Variants in ADGRV1 observed in about 807,000 individuals in gnomAD.
ADGRV1 encodes the protein G-protein coupled receptor 98.
Under a neutral mutation model 596.2 loss-of-function variants are expected in ADGRV1, and 359 were observed. The observed-to-expected ratio is 0.60, with a 90% CI of 0.55 to 0.66. The LOEUF (loss-of-function observed/expected upper bound fraction) is 0.66. Ranked by LOEUF, ADGRV1 falls within the 30% of genes least tolerant of loss-of-function variation. The probability of loss-of-function intolerance (pLI) is 0.00; values close to 1 mark genes in which losing one functional copy is unlikely to be tolerated. For synonymous variants in ADGRV1, 2,681 were observed against 2,679.2 expected (o/e 1.00, Z -0.02); for missense variants, 7,274 against 7,575.6 (o/e 0.96, Z 1.48).
intron 15 of ADGRV1, among the ~76,000 whole-genome samples, chr5:90,645,284 C>G (rs1255890963): frequency 1.3e-5 from 2 of 152,172 alleles, no homozygotes; most frequent in African/African-American, 4.8e-5. Flanking sequence ...TTAATAACAA[C>G]AGGAAGTGAA....
chr5:90,978,332 C>A (rs1303368566), intron 84 of ADGRV1, among the ~76,000 whole-genome samples: 1 of 130,502 alleles, frequency 7.7e-6, no homozygotes, highest in African/African-American at 3.1e-5. Flanking sequence ...ATATTTGTTT[C>A]ATTCTTCCCC....
chr5:90,622,967 C>T (rs111696128), intron 5 of ADGRV1, among the ~76,000 whole-genome samples: 2 of 152,150 alleles, frequency 1.3e-5, no homozygotes, highest in Admixed American at 1.3e-4. Context: ...TCTTGAACTC[C>T]TGGCCTCAGG....
chr5:91,019,906 T>A (rs1783493314), intron 85 of ADGRV1, among the ~76,000 whole-genome samples: 1 of 152,060 alleles, frequency 6.6e-6, no homozygotes, highest in South Asian at 2.1e-4. Context: ...ACTCTCTGTC[T>A]GTCTTCCACC....
chr5:90,638,061 T>C (rs1766463096), intron 11 of ADGRV1, 113 bp downstream of exon 11: 1 of 725,784 alleles, frequency 1.4e-6, no homozygotes, highest in Non-Finnish European at 2.2e-6. Flanking sequence ...AAAAGTCAAG[T>C]AAATAGTGTT....
chr5:90,979,197 C>A (rs1779882400), intron 84 of ADGRV1, among the ~76,000 whole-genome samples: 1 of 147,110 alleles, frequency 6.8e-6, no homozygotes, highest in Non-Finnish European at 1.5e-5. Context: ...GAGATGGGGT[C>A]TTGTTCTGTC....
At chr5:90,794,782 G>A (rs1177138853) in intron 70 of ADGRV1, among the ~76,000 whole-genome samples, 5 of 152,088 alleles carry the variant, frequency 3.3e-5, no homozygotes, top group South Asian at 4.1e-4. Flanking sequence ...TTAGGTACCC[G>A]GTTCATCTCA....
In ADGRV1 at chr5:91,063,318, C is replaced by G. The variant is rs148622278; in HGVS notation, c.18153-9129C>G. Among the ~76,000 whole-genome samples, 367 of 152,172 alleles carry G rather than the reference C, an allele frequency of 2.4e-3. 5 individuals carry two copies. Among genetic ancestry groups the G allele is most frequent in the East Asian group, 4.8e-3 (25 of 5,178 alleles). Reference sequence around the variant, plus strand: ...TCCAAGAATGCCTGGCAGCGGTGCTCGTGGCTACAGTGTTTACCCCAAGAT... The same window carrying G: ...TCCAAGAATGCCTGGCAGCGGTGCTGGTGGCTACAGTGTTTACCCCAAGAT... On this transcript the variant is annotated intron_variant, in intron 85 of 89. Transcript: ENST00000405460.
intron 6 of ADGRV1, chr5:90,626,398 G>A (rs927967365): frequency 3.3e-5 from 5 of 152,096 alleles, no homozygotes; most frequent in South Asian, 2.1e-4. Flanking sequence ...CATTTTGATT[G>A]TAAATTTGAA....
At chr5:90,716,141 A>G (rs1750080583) in intron 42 of ADGRV1, among the ~76,000 whole-genome samples, 3 of 152,134 alleles carry the variant, frequency 2.0e-5, no homozygotes, top group Admixed American at 2.0e-4. Context: ...AACAATTATG[A>G]CAGACATTAT....
intron 83 of ADGRV1, among the ~76,000 whole-genome samples, chr5:90,939,858 A>T (rs1158705219): frequency 6.6e-6 from 1 of 152,204 alleles, no homozygotes; most frequent in African/African-American, 2.4e-5. Context: ...TCATGTGGAA[A>T]ATAGACAATA....
intron 28 of ADGRV1, among the ~76,000 whole-genome samples, chr5:90,684,818 G>A (rs971366140): frequency 2.0e-5 from 3 of 152,180 alleles, no homozygotes; most frequent in Non-Finnish European, 4.4e-5. Flanking sequence ...TCAGACCATA[G>A]TAACACAGTA....
At chr5:90,803,992 GTGTGTGTGTGCACGCA>G (rs1416385291) in intron 71 of ADGRV1, among the ~76,000 whole-genome samples, 3 of 152,052 alleles carry the variant, frequency 2.0e-5, no homozygotes, top group Non-Finnish European at 4.4e-5. Context: ...TCAGTGTTTG[GTGTGTGTGTGCACGCA>G]TGTGTGTGTG....
chr5:90,601,707 T>C (rs1580413787), intron 1 of ADGRV1, among the ~76,000 whole-genome samples: 1 of 152,220 alleles, frequency 6.6e-6, no homozygotes, highest in South Asian at 2.1e-4. Flanking sequence ...ATCAGAGTAC[T>C]CTAAGGGCAT....
At position 90,706,035 on chromosome 5, in the gene ADGRV1, G is replaced by A. The variant is rs1748546302; in HGVS notation, c.8567-196G>A. 3.3e-5 allele frequency among the ~76,000 whole-genome samples: 5 copies of A among 152,214 alleles called. No individual in the cohort carries two copies. In the South Asian group the frequency reaches 1.0e-3, roughly 32 times the overall value. Reference sequence around the variant, plus strand: ...TCCAAATTCAAAGTCTAGAGGCAGGGAAATATGCTTTTCCCACAGTGAGAC... The same window carrying A: ...TCCAAATTCAAAGTCTAGAGGCAGGAAAATATGCTTTTCCCACAGTGAGAC... On this transcript the variant is annotated intron_variant, in intron 37 of 89. Transcript: ENST00000405460.
intron 16 of ADGRV1, among the ~76,000 whole-genome samples, chr5:90,646,572 C>T (rs984798667): frequency 1.2e-4 from 18 of 151,958 alleles, no homozygotes; most frequent in African/African-American, 3.4e-4. Flanking sequence ...AAAATTTCTT[C>T]GTTTTGCCAC....
intron 57 of ADGRV1, among the ~76,000 whole-genome samples, chr5:90,759,050 A>C (rs554884348): frequency 6.6e-6 from 1 of 152,318 alleles, no homozygotes; most frequent in South Asian, 2.1e-4. Flanking sequence ...ACATTAAAAA[A>C]ATTTTAAGAA....
chr5:90,882,400 A>T (rs79158393), intron 83 of ADGRV1, among the ~76,000 whole-genome samples: 1,630 of 152,296 alleles, frequency 0.011, 33 homozygotes, highest in African/African-American at 0.037. Flanking sequence ...CTATTTCCTG[A>T]TGTGGAGAGA....
intron 43 of ADGRV1, chr5:90,717,217 C>T (rs1029779344): frequency 2.0e-5 from 3 of 152,156 alleles, no homozygotes. Context: ...TCTATACTCA[C>T]AGTTTACCTT....
chr5:90,597,897 T>G (rs144732425), intron 1 of ADGRV1, among the ~76,000 whole-genome samples: 1 of 152,226 alleles, frequency 6.6e-6, no homozygotes, highest in African/African-American at 2.4e-5. Flanking sequence ...ATGGATAATT[T>G]TGAGGGAAGG....
Sources: gnomAD v4.1 joint callset for allele counts (sites outside exome capture counted in the v4.1 genomes callset) on GRCh38, gnomAD v4.1.1 for gene constraint, MANE v1.5 for transcripts, NCBI Gene and HGNC (gene_info 2026-07-23, HGNC 2026-07-21) for gene names.